IL6: variants seen among roughly 807,000 people sequenced by gnomAD.
IL6 encodes the protein interleukin 6, also known as interleukin-6.
Under a neutral mutation model 18.0 loss-of-function variants are expected in IL6, and 5 were observed. The ratio of observed to expected loss-of-function variants is 0.28; its 90% CI spans 0.15 to 0.58. IL6 has a LOEUF of 0.58. IL6 is among the 20% of genes least tolerant of loss of function. The pLI is 0.90. For missense variants in IL6, 266 were observed against 251.0 expected, an observed-to-expected ratio of 1.06 and a Z score of -0.40; for synonymous variants, 97 against 95.1, an observed-to-expected ratio of 1.02 and a Z score of -0.12.
intron 2 of IL6, 137 bp downstream of exon 2, chr7:22,727,771 C>T: frequency 2.3e-6 from 2 of 885,818 alleles, no homozygotes; most frequent in Non-Finnish European, 3.3e-6. Context: ...CCAACGGGGC[C>T]GACTAGACTG....
rs369953112 is a variant in IL6, at chr7:22,731,416, T to C, written c.482T>C (p.Leu161Pro). 1.3e-6 allele frequency: 2 copies of C among 1,574,172 alleles called. No individual in the cohort carries two copies. Among genetic ancestry groups the C allele is most frequent in the Non-Finnish European group, 1.7e-6 (2 of 1,154,956 alleles). ...TTCATTTTCCTTCAGGCAAAGAATCTAGATGCAATAACCACCCCTGACCCA... is the reference window on the plus strand; with the variant it reads ...TTCATTTTCCTTCAGGCAAAGAATCCAGATGCAATAACCACCCCTGACCCA... ...IQFLQKKAKN[L>P]DAITTPDPTT... Residue 161 changes from leucine (L) to proline (P), a missense_variant, in exon 5 of 5, where the codon CTA becomes CCA. Leu to Pro is a moderately conservative substitution (Grantham distance 98). Coordinates refer to ENST00000258743, the MANE Select transcript of IL6 (RefSeq NM_000600.5).
rs764527675 is a variant in IL6 at position 22,727,649 on chromosome 7, C to T, written c.210+15C>T. On this transcript the variant is annotated intron_variant, in intron 2 of 4. Transcript: ENST00000258743. ...TGAGAAAGGAGGTGGGTAGGCTTGG[C>T]GATGGGGTTGAAGGGCCCGGTGCGC... 6 of 1,534,518 alleles carry T rather than the reference C, an allele frequency of 3.9e-6. No homozygotes were observed. Among genetic ancestry groups the T allele is most frequent in the Non-Finnish European group, 4.4e-6 (5 of 1,143,368 alleles).
intron 4 of IL6, chr7:22,730,056 C>T: frequency 2.0e-6 from 2 of 985,352 alleles, no homozygotes; most frequent in Non-Finnish European, 2.4e-6. Context: ...AAGTGACATT[C>T]TTCTCACTGT....
intron 4 of IL6, 116 bp downstream of exon 4, chr7:22,729,776 A>G (rs749056272): frequency 1.7e-5 from 27 of 1,570,524 alleles, no homozygotes; most frequent in African/African-American, 1.6e-4. Context: ...CACGTAAACA[A>G]AAGAGTCTGA....
rs778115500 is a variant in IL6 at position 22,730,704 on chromosome 7, A to G, written c.472-702A>G. On this transcript the variant is annotated intron_variant, in intron 4 of 4. Transcript: ENST00000258743. ...GCATTATTTCATATGACAGAATACAAACAAATAAGATAGTGATGCTGGTCA... is the reference window on the plus strand; with the variant it reads ...GCATTATTTCATATGACAGAATACAGACAAATAAGATAGTGATGCTGGTCA... 3.9e-5 allele frequency among the ~76,000 whole-genome samples: 6 copies of G among 152,172 alleles called. No individual in the cohort carries two copies. In the South Asian group the frequency reaches 1.0e-3, roughly 26 times the overall value.
In IL6 at chr7:22,729,948, G is replaced by A. The variant is rs1452170468; in HGVS notation, c.471+288G>A. ...TGCAAGAGATTTAAAACCAAAGGCG[G>A]GGGGGCGGGCAGAAAAAAGTGCATC... On this transcript the variant is annotated intron_variant, in intron 4 of 4. Coordinates refer to ENST00000258743, the MANE Select transcript of IL6 (RefSeq NM_000600.5). 5.9e-6 allele frequency: 8 copies of A among 1,358,696 alleles called. No individual in the cohort carries two copies. The Admixed American group carries it at 1.2e-4, about 21-fold the overall frequency. The allele number at this position is 1,358,696 out of a possible 1,614,324, so 84.2% of individuals were successfully genotyped here.
In IL6 at chr7:22,731,505, A is replaced by G. The variant is rs747979413; in HGVS notation, c.571A>G (p.Thr191Ala). The G allele has an allele frequency of 1.3e-5, 21 of 1,609,654 alleles. 1 individual carries two copies. Among genetic ancestry groups the G allele is most frequent in the South Asian group, 1.2e-4 (11 of 90,528 alleles). The change falls in exon 5 of 5, where the codon ACT (threonine) becomes GCT (alanine). Residue 191 changes from threonine (T) to alanine (A), a missense_variant. Thr to Ala is a moderately conservative substitution (Grantham distance 58). Coordinates refer to ENST00000258743, the MANE Select transcript of IL6 (RefSeq NM_000600.5). ...AQNQWLQDMT[T>A]HLILRSFKEF... ...GAACCAGTGGCTGCAGGACATGACAACTCATCTCATTCTGCGCAGCTTTAA... is the reference window on the plus strand; with the variant it reads ...GAACCAGTGGCTGCAGGACATGACAGCTCATCTCATTCTGCGCAGCTTTAA...
In IL6 at chr7:22,731,387, T is replaced by TA. The variant is rs772670999; in HGVS notation, c.472-18dup. ...TATTCAACATTTAAACAATCCTTTTTACTTTCATTTTCCTTCAGGCAAAGA... is the reference window on the plus strand; with the variant it reads ...TATTCAACATTTAAACAATCCTTTTTAACTTTCATTTTCCTTCAGGCAAAGA... On this transcript the variant is annotated intron_variant, in intron 4 of 4. Transcript: ENST00000258743. 1.3e-6 allele frequency: 2 copies of TA among 1,555,628 alleles called. No individual in the cohort carries two copies. The highest frequency in any genetic ancestry group is 1.8e-6 in the Non-Finnish European group (2 of 1,141,136).
chr7:22,727,684 C>A (rs201467540), intron 2 of IL6, 50 bp downstream of exon 2: 1 of 1,518,040 alleles, frequency 6.6e-7, no homozygotes, highest in Non-Finnish European at 8.8e-7. Context: ...CATGCGTTCC[C>A]CTTGCCCCTG....
At chr7:22,728,021 T>C (rs1784048435) in intron 2 of IL6, among the ~76,000 whole-genome samples, 1 of 152,192 alleles carries the variant, frequency 6.6e-6, no homozygotes, top group African/African-American at 2.4e-5. Context: ...GTTGCAGTAC[T>C]TTTTGGTTAT....
In IL6 at chr7:22,729,630, A is replaced by G; in HGVS notation, c.441A>G (p.Thr147=). Residue 147 remains threonine (T), a synonymous_variant, in exon 4 of 5, where the codon ACA becomes ACG. Coordinates refer to ENST00000258743, the MANE Select transcript of IL6 (RefSeq NM_000600.5). ...AAGCCAGAGCTGTGCAGATGAGTAC[A>G]AAAGTCCTGATCCAGTTCCTGCAGA... ...EEQARAVQMS[T]KVLIQFLQKK... 6.2e-7 allele frequency: 1 copy of G among 1,614,176 alleles called. No homozygotes were observed. The highest frequency in any genetic ancestry group is 8.5e-7 in the Non-Finnish European group (1 of 1,180,034).
chr7:22,727,956 C>A lies in IL6; in HGVS notation c.210+322C>A, dbSNP rs183935623. 3.3e-5 allele frequency among the ~76,000 whole-genome samples: 5 copies of A among 152,240 alleles called. No individual in the cohort carries two copies. The East Asian group carries it at 7.7e-4, about 24-fold the overall frequency. On this transcript the variant is annotated intron_variant, in intron 2 of 4. Coordinates refer to ENST00000258743, the MANE Select transcript of IL6 (RefSeq NM_000600.5). ...GTGAAGCTCCTTTTTGTCCCCCGGG[C>A]TTTGGAAGGACTAGAAAAGTGCCAC...
At position 22,731,456 on chromosome 7, in the gene IL6, C is replaced by A; in HGVS notation, c.522C>A (p.Ser174Arg). 1 of 1,606,912 alleles carries A rather than the reference C, an allele frequency of 6.2e-7. No individual in the cohort carries two copies. The highest frequency in any genetic ancestry group is 8.5e-7 in the Non-Finnish European group (1 of 1,174,848). The change falls in exon 5 of 5, where the codon AGC (serine) becomes AGA (arginine). Residue 174 changes from serine (S) to arginine (R), a missense_variant. Transcript: ENST00000258743. ...CCCCTGACCCAACCACAAATGCCAG[C>A]CTGCTGACGAAGCTGCAGGCACAGA... ...ITTPDPTTNA[S>R]LLTKLQAQNQ...
intron 1 of IL6, 49 bp downstream of exon 1, chr7:22,727,330 C>T: frequency 6.2e-7 from 1 of 1,613,976 alleles, no homozygotes. Flanking sequence ...GCGGTCGAGC[C>T]CTGTGTGAGG....
Position 22,731,546 on chromosome 7 carries a change from C to T in IL6, c.612C>T (p.Ser204=). Residue 204 remains serine, a synonymous_variant, in exon 5 of 5, where the codon TCC becomes TCT. Coordinates refer to ENST00000258743, the MANE Select transcript of IL6 (RefSeq NM_000600.5). Reference sequence around the variant, plus strand: ...GCAGCTTTAAGGAGTTCCTGCAGTCCAGCCTGAGGGCTCTTCGGCAAATGT... The same window carrying T: ...GCAGCTTTAAGGAGTTCCTGCAGTCTAGCCTGAGGGCTCTTCGGCAAATGT... The part of the protein sequence containing the change: ...ILRSFKEFLQ[S]SLRALRQM 1 of 1,605,514 alleles carries T rather than the reference C, an allele frequency of 6.2e-7. No individual in the cohort carries two copies. Among genetic ancestry groups the T allele is most frequent in the Non-Finnish European group, 8.5e-7 (1 of 1,173,668 alleles).
chr7:22,728,160 G>A (rs1389537855), intron 2 of IL6, among the ~76,000 whole-genome samples: 1 of 152,140 alleles, frequency 6.6e-6, no homozygotes, highest in African/African-American at 2.4e-5. Flanking sequence ...TTTTGGTCCT[G>A]TTTGGTAGAA....
At chr7:22,729,439 C>G in intron 3 of IL6, 75 bp from the exon 4 acceptor site, 3 of 1,415,900 alleles carry the variant, frequency 2.1e-6, no homozygotes, top group Non-Finnish European at 2.9e-6. Flanking sequence ...AGATGTCGAA[C>G]TGTGGCAATT....
intron 2 of IL6, 44 bp downstream of exon 2, chr7:22,727,678 C>A (rs372270275): frequency 2.9e-5 from 44 of 1,520,432 alleles, no homozygotes; most frequent in Non-Finnish European, 3.3e-5. Flanking sequence ...GGTGCGCATG[C>A]GTTCCCCTTG....
chr7:22,727,739 C>A, intron 2 of IL6, 105 bp downstream of exon 2: 2 of 1,309,098 alleles, frequency 1.5e-6, no homozygotes, highest in Non-Finnish European at 2.1e-6. Flanking sequence ...TTGCTGGGTT[C>A]TAGAGCACTG....
Sources: allele counts gnomAD v4.1 joint callset (sites outside exome capture counted in the v4.1 genomes callset), GRCh38; gene constraint gnomAD v4.1.1; transcripts MANE v1.5; gene names NCBI Gene and HGNC (gene_info 2026-07-23, HGNC 2026-07-21).